The following QTMAN variants were observed in gnomAD, a reference collection of about 807,000 sequenced individuals.
QTMAN encodes the protein queuosine-tRNA mannosyltransferase, also known as tRNA-queuosine alpha-mannosyltransferase.
At chr2:143,987,397 A>T in the QTMAN span, among the ~76,000 whole-genome samples, 1 of 152,238 alleles carries the variant, frequency 6.6e-6, no homozygotes, top group Non-Finnish European at 1.5e-5. Flanking sequence ...CTCCTTTGCA[A>T]CATATGTGGC....
chr2:144,026,197 G>A, the QTMAN span, among the ~76,000 whole-genome samples: 1 of 152,160 alleles, frequency 6.6e-6, no homozygotes, highest in African/African-American at 2.4e-5. Context: ...ACTTTGGGAG[G>A]CCGAGGCAGG....
the QTMAN span, among the ~76,000 whole-genome samples, chr2:144,169,985 T>C: frequency 2.0e-3 from 309 of 152,280 alleles, 1 homozygote; most frequent in Non-Finnish European, 3.4e-3. Context: ...TTTTTTCCTA[T>C]ACATGCAAAC....
the QTMAN span, among the ~76,000 whole-genome samples, chr2:143,965,094 A>G: frequency 2.8e-4 from 42 of 151,948 alleles, no homozygotes; most frequent in African/African-American, 8.7e-4. Context: ...AGGGCTAACA[A>G]TGTGACCTTA....
At chr2:144,010,969 C>T in the QTMAN span, among the ~76,000 whole-genome samples, 8 of 152,210 alleles carry the variant, frequency 5.3e-5, no homozygotes, top group South Asian at 2.1e-4. Context: ...GGAAATGCTA[C>T]AGCTAGGAAA....
the QTMAN span, among the ~76,000 whole-genome samples, chr2:144,101,103 C>T: frequency 3.6e-4 from 54 of 152,078 alleles, no homozygotes; most frequent in African/African-American, 1.2e-3. Context: ...CTCCTGACCT[C>T]GTGATCCGCC....
At chr2:144,187,399 A>G in the QTMAN span, among the ~76,000 whole-genome samples, 1 of 152,168 alleles carries the variant, frequency 6.6e-6, no homozygotes, top group Non-Finnish European at 1.5e-5. Context: ...GAACTAATCC[A>G]GTCTTGCGAG....
At chr2:144,252,584 A>C in the QTMAN span, among the ~76,000 whole-genome samples, 2 of 152,174 alleles carry the variant, frequency 1.3e-5, no homozygotes, top group South Asian at 2.1e-4. Context: ...ACAACTGACA[A>C]CACCAATTAC....
the QTMAN span, among the ~76,000 whole-genome samples, chr2:144,297,477 T>C: frequency 5.9e-5 from 9 of 152,202 alleles, no homozygotes; most frequent in African/African-American, 2.2e-4. Flanking sequence ...TATAGTCAAT[T>C]TAAATGGTAG....
chr2:144,162,720 T>C, the QTMAN span, among the ~76,000 whole-genome samples: 1 of 152,100 alleles, frequency 6.6e-6, no homozygotes, highest in Non-Finnish European at 1.5e-5. Flanking sequence ...TGGAAGAACG[T>C]AGGAGCCCAA....
chr2:144,035,746 G>C, the QTMAN span, among the ~76,000 whole-genome samples: 3 of 152,266 alleles, frequency 2.0e-5, no homozygotes, highest in African/African-American at 4.8e-5. Context: ...CAACAGTTTT[G>C]AGAACAGAAT....
At chr2:143,955,053 GCT>G in the QTMAN span, among the ~76,000 whole-genome samples, 2 of 152,198 alleles carry the variant, frequency 1.3e-5, no homozygotes, top group South Asian at 4.1e-4. Flanking sequence ...GCCTGCAAAG[GCT>G]CTCAGTCGCA....
the QTMAN span, among the ~76,000 whole-genome samples, chr2:144,278,819 G>A: frequency 6.6e-6 from 1 of 152,068 alleles, no homozygotes; most frequent in African/African-American, 2.4e-5. Context: ...GTAGAGTCAA[G>A]TGTGATGTTC....
the QTMAN span, among the ~76,000 whole-genome samples, chr2:144,073,725 G>A: frequency 3.3e-5 from 5 of 152,180 alleles, no homozygotes; most frequent in East Asian, 7.7e-4. Context: ...AGAAATTAAA[G>A]TTAACATACA....
the QTMAN span, among the ~76,000 whole-genome samples, chr2:144,182,116 T>TA: frequency 4.0e-5 from 6 of 150,100 alleles, no homozygotes; most frequent in Admixed American, 6.6e-5. Flanking sequence ...TAAAAGAGAA[T>TA]AAAAAAAAAG....
chr2:144,003,063 T>C, the QTMAN span, among the ~76,000 whole-genome samples: 7 of 152,072 alleles, frequency 4.6e-5, no homozygotes, highest in African/African-American at 1.7e-4. Flanking sequence ...AATACATTAT[T>C]TATGTTAACA....
At chr2:144,106,064 T>C in the QTMAN span, among the ~76,000 whole-genome samples, 1 of 152,178 alleles carries the variant, frequency 6.6e-6, no homozygotes, top group Admixed American at 6.5e-5. Context: ...CTGAGAGATT[T>C]TGTCACCACC....
At chr2:144,311,691 C>G in the QTMAN span, among the ~76,000 whole-genome samples, 6 of 152,202 alleles carry the variant, frequency 3.9e-5, no homozygotes, top group Non-Finnish European at 5.9e-5. Context: ...CTTTCAAGAT[C>G]CAGCCCAAAG....
the QTMAN span, among the ~76,000 whole-genome samples, chr2:144,241,952 C>T: frequency 5.9e-5 from 9 of 152,036 alleles, no homozygotes; most frequent in Non-Finnish European, 1.2e-4. Flanking sequence ...TGATTTCATT[C>T]TTAACTGGCA....
the QTMAN span, among the ~76,000 whole-genome samples, chr2:144,073,111 C>T: frequency 6.6e-6 from 1 of 151,984 alleles, no homozygotes; most frequent in Non-Finnish European, 1.5e-5. Context: ...TCTTTTTAAG[C>T]TAATTGGAAA....
Sources: allele counts gnomAD v4.1 joint callset (sites outside exome capture counted in the v4.1 genomes callset), GRCh38; gene constraint gnomAD v4.1.1; transcripts MANE v1.5; gene names NCBI Gene and HGNC (gene_info 2026-07-23, HGNC 2026-07-21).